The following INPP4B variants were observed in gnomAD, a reference collection of about 807,000 sequenced individuals.
The protein encoded by INPP4B is inositol polyphosphate 4-phosphatase type II.
INPP4B carries 55 observed loss-of-function variants against 122.5 expected under a neutral mutation model. The observed-to-expected ratio is 0.45, with a 90% CI of 0.36 to 0.56. INPP4B has a LOEUF of 0.56. Ranked by LOEUF, INPP4B falls within the 20% of genes least tolerant of loss-of-function variation. The probability of loss-of-function intolerance (pLI) is 0.00; values close to 1 mark genes in which losing one functional copy is unlikely to be tolerated. For synonymous variants in INPP4B, 403 were observed against 388.7 expected, an observed-to-expected ratio of 1.04 and a Z score of -0.43; for missense variants, 1,000 against 1,097.7, an observed-to-expected ratio of 0.91 and a Z score of 1.26.
At chr4:142,518,188 T>C (rs1044308863) in intron 2 of INPP4B, among the ~76,000 whole-genome samples, 2 of 152,150 alleles carry the variant, frequency 1.3e-5, no homozygotes, top group Non-Finnish European at 2.9e-5. Flanking sequence ...TAGGATGCAA[T>C]GACCAAAGAT....
rs1300952610 is a variant in INPP4B at position 142,257,776 on chromosome 4, C to T, written c.688+2716G>A. ...CAATATCGTGAAAATGGCCATACTG[C>T]CCAAGGTAATTTATAGATTCAATGC... On this transcript the variant is annotated intron_variant, in intron 11 of 25. Coordinates refer to ENST00000262992, the MANE Select transcript of INPP4B (RefSeq NM_001101669.3). Among the ~76,000 whole-genome samples the T allele has an allele frequency of 9.2e-5, 14 of 152,226 alleles. No homozygotes were observed. The East Asian group carries it at 2.7e-3, about 29-fold the overall frequency.
intron 21 of INPP4B, among the ~76,000 whole-genome samples, chr4:142,116,925 A>G (rs1056929250): frequency 2.6e-5 from 4 of 152,180 alleles, no homozygotes; most frequent in African/African-American, 9.7e-5. Context: ...CGAAACTAAT[A>G]AAGAAGAAAA....
intron 23 of INPP4B, among the ~76,000 whole-genome samples, chr4:142,089,312 G>A (rs1778319159): frequency 6.6e-6 from 1 of 152,066 alleles, no homozygotes; most frequent in Admixed American, 6.6e-5. Context: ...AGAATAAGAA[G>A]TTTCCTTTAA....
intron 2 of INPP4B, among the ~76,000 whole-genome samples, chr4:142,601,253 A>C (rs186440739): frequency 3.3e-5 from 5 of 152,284 alleles, no homozygotes; most frequent in African/African-American, 1.2e-4. Flanking sequence ...TGAAGAATAC[A>C]CATTCTTATA....
At chr4:142,587,223 A>C (rs569756161) in intron 2 of INPP4B, among the ~76,000 whole-genome samples, 7 of 152,258 alleles carry the variant, frequency 4.6e-5, no homozygotes, top group Non-Finnish European at 1.0e-4. Flanking sequence ...TGAGAGAAAG[A>C]AAGAAGATAA....
At chr4:142,671,222 T>C (rs1756945016) in intron 2 of INPP4B, among the ~76,000 whole-genome samples, 1 of 152,066 alleles carries the variant, frequency 6.6e-6, no homozygotes, top group Non-Finnish European at 1.5e-5. Flanking sequence ...AAATCTATAC[T>C]AAGGCCTGGC....
At chr4:142,078,347 C>CAAT (rs1200469675) in intron 25 of INPP4B, among the ~76,000 whole-genome samples, 2 of 151,968 alleles carry the variant, frequency 1.3e-5, no homozygotes, top group African/African-American at 4.8e-5. Context: ...TTGTGCTTAT[C>CAAT]AATATGTCAC....
chr4:142,520,598 A>G lies in INPP4B; in HGVS notation c.-190-57872T>C, dbSNP rs536231603. On this transcript the variant is annotated intron_variant, in intron 2 of 25. Transcript: ENST00000262992. Reference sequence around the variant, plus strand: ...GCTAACCAATGAATTTAAGATGTGTATAGCATTCAAAAATATTTAAATGAA... The same window carrying G: ...GCTAACCAATGAATTTAAGATGTGTGTAGCATTCAAAAATATTTAAATGAA... Among the ~76,000 whole-genome samples the G allele has an allele frequency of 2.0e-5, 3 of 152,078 alleles. No individual in the cohort carries two copies. The East Asian group carries it at 5.8e-4, about 29-fold the overall frequency.
chr4:142,729,098 C>T (rs1202950779), intron 1 of INPP4B, among the ~76,000 whole-genome samples: 1 of 152,108 alleles, frequency 6.6e-6, no homozygotes, highest in South Asian at 2.1e-4. Context: ...ATAAGGAGCA[C>T]GTAACCTAGA....
chr4:142,587,396 G>T (rs960945172), intron 2 of INPP4B, among the ~76,000 whole-genome samples: 2 of 151,716 alleles, frequency 1.3e-5, no homozygotes, highest in South Asian at 2.1e-4. Flanking sequence ...TTTATAAATG[G>T]GTTTTACTAT....
chr4:142,196,372 GC>G (rs983961239), intron 14 of INPP4B, among the ~76,000 whole-genome samples: 1 of 152,012 alleles, frequency 6.6e-6, no homozygotes, highest in African/African-American at 2.4e-5. Flanking sequence ...GAGTGTCAAA[GC>G]CTATTAAGCT....
chr4:142,139,732 T>C (rs569584438), intron 18 of INPP4B, among the ~76,000 whole-genome samples: 54 of 152,350 alleles, frequency 3.5e-4, no homozygotes, highest in African/African-American at 1.2e-3. Context: ...TGGGGTGCAC[T>C]TTTAGGATGA....
At chr4:142,677,616 G>T (rs1483751891) in intron 2 of INPP4B, among the ~76,000 whole-genome samples, 1 of 152,066 alleles carries the variant, frequency 6.6e-6, no homozygotes, top group Non-Finnish European at 1.5e-5. Flanking sequence ...TGATAGTCTA[G>T]ATAAAGAAAA....
chr4:142,740,909 C>A (rs1416917478), intron 1 of INPP4B, among the ~76,000 whole-genome samples: 1 of 151,918 alleles, frequency 6.6e-6, no homozygotes, highest in African/African-American at 2.4e-5. Flanking sequence ...GGAATATAAC[C>A]TCATCTTAGA....
intron 2 of INPP4B, among the ~76,000 whole-genome samples, chr4:142,536,862 G>T (rs1270278072): frequency 1.3e-5 from 2 of 151,988 alleles, no homozygotes; most frequent in East Asian, 1.9e-4. Flanking sequence ...TGTGATCTTG[G>T]CTCGGCTCAC....
At chr4:142,428,970 A>T (rs1353880805) in intron 5 of INPP4B, among the ~76,000 whole-genome samples, 2 of 151,968 alleles carry the variant, frequency 1.3e-5, no homozygotes, top group Non-Finnish European at 2.9e-5. Context: ...AACTATCATC[A>T]CTGAACCCTG....
At chr4:142,296,076 CA>C (rs3836677) in intron 9 of INPP4B, among the ~76,000 whole-genome samples, 79,696 of 151,974 alleles carry the variant, frequency 0.52, 25,399 homozygotes, top group Non-Finnish European at 0.69. Context: ...ACGTGATTTG[CA>C]TTTTAAAAAA....
intron 23 of INPP4B, among the ~76,000 whole-genome samples, chr4:142,105,030 A>T (rs2152670196): frequency 6.6e-6 from 1 of 152,268 alleles, no homozygotes; most frequent in Non-Finnish European, 1.5e-5. Context: ...AAAGATTTAC[A>T]GGAAAGGAAC....
intron 1 of INPP4B, among the ~76,000 whole-genome samples, chr4:142,797,834 A>G (rs1777472667): frequency 6.6e-6 from 1 of 152,008 alleles, no homozygotes. Context: ...CAGATATTCA[A>G]GAATTCAGGA....
Sources: gnomAD v4.1 joint callset for allele counts (sites outside exome capture counted in the v4.1 genomes callset) on GRCh38, gnomAD v4.1.1 for gene constraint, MANE v1.5 for transcripts, NCBI Gene and HGNC (gene_info 2026-07-23, HGNC 2026-07-21) for gene names.